The following PARG variants were observed in gnomAD, a reference collection of about 807,000 sequenced individuals.
PARG encodes poly(ADP-ribose) glycohydrolase.
In PARG, 35 loss-of-function variants were observed where a neutral mutation model predicts 113.0. That is an observed-to-expected ratio of 0.31 (90% CI 0.24 to 0.41). The LOEUF is 0.41. PARG is among the 10% of genes least tolerant of loss of function. The probability of loss-of-function intolerance (pLI) is 1.00; values close to 1 mark genes in which losing one functional copy is unlikely to be tolerated. For missense variants in PARG, 797 were observed against 1,169.4 expected (o/e 0.68, Z 4.64); for synonymous variants, 330 against 409.9 (o/e 0.81, Z 2.36).
chr10:49,931,062 G>T (rs1838452786), intron 4 of PARG, among the ~76,000 whole-genome samples: 1 of 142,038 alleles, frequency 7.0e-6, no homozygotes, highest in Non-Finnish European at 1.5e-5. Flanking sequence ...AGCAGGGAAG[G>T]AGGTTTAATT....
rs782535706 is a variant in PARG at position 49,922,332 on chromosome 10, A to G, written c.1662+4T>C. The G allele has an allele frequency of 5.6e-6, 9 of 1,595,068 alleles. No individual in the cohort carries two copies. The Admixed American group carries it at 1.6e-4, about 28-fold the overall frequency. On this transcript the variant is annotated splice_donor_region_variant and intron_variant, in intron 6 of 17. Transcript: ENST00000616448. The stretch of plus-strand genomic sequence containing the variant: ...AACAGGCAAGCATGGTAAAAACAAC[A>G]TACCTTCAAGTTTTGGGGTCGTGTA...
chr10:49,862,029 A>G (rs1846277220), intron 11 of PARG, among the ~76,000 whole-genome samples: 1 of 151,874 alleles, frequency 6.6e-6, no homozygotes, highest in Non-Finnish European at 1.5e-5. Context: ...AAATTTGGCA[A>G]TAAATCATAT....
chr10:49,867,753 G>GA (rs1846589608), intron 10 of PARG, among the ~76,000 whole-genome samples: 2 of 150,270 alleles, frequency 1.3e-5, no homozygotes, highest in South Asian at 2.1e-4. Flanking sequence ...ATTTCCAGCT[G>GA]AAAAAACAAA....
chr10:49,920,597 T>C (rs1837804676), intron 6 of PARG, among the ~76,000 whole-genome samples: 2 of 144,604 alleles, frequency 1.4e-5, no homozygotes, highest in Non-Finnish European at 3.0e-5. Flanking sequence ...CATATATACA[T>C]ATATACGTAC....
rs138498748 is a variant in PARG at position 49,826,266 on chromosome 10, A to T, written c.2648-5973T>A. On this transcript the variant is annotated intron_variant, in intron 16 of 17. Transcript: ENST00000616448. Reference sequence around the variant, plus strand: ...GAGCAAGGCTGAGAGAGACCAAGAGAGTGTGATCTGTTCTGGCAGAAGAAA... The same window carrying T: ...GAGCAAGGCTGAGAGAGACCAAGAGTGTGTGATCTGTTCTGGCAGAAGAAA... Among the ~76,000 whole-genome samples the T allele has an allele frequency of 2.2e-3, 333 of 152,300 alleles. 2 individuals carry two copies. The highest frequency in any genetic ancestry group is 7.7e-3 in the African/African-American group (322 of 41,554).
chr10:49,861,874 T>C (rs527667866), intron 11 of PARG, among the ~76,000 whole-genome samples: 72 of 151,314 alleles, frequency 4.8e-4, no homozygotes, highest in South Asian at 1.5e-3. Context: ...TTGGATAACA[T>C]AGTTTGAAAC....
intron 7 of PARG, among the ~76,000 whole-genome samples, chr10:49,913,139 C>G (rs1837290892): frequency 1.3e-5 from 2 of 152,232 alleles, no homozygotes; most frequent in Non-Finnish European, 2.9e-5. Flanking sequence ...TCACTAACCA[C>G]TGCAAGCGTG....
intron 4 of PARG, among the ~76,000 whole-genome samples, chr10:49,927,969 A>C (rs1838292447): frequency 6.7e-6 from 1 of 150,002 alleles, no homozygotes; most frequent in South Asian, 2.1e-4. Context: ...GTCTCTTTAA[A>C]AAAAAAAAAA....
At chr10:49,846,671 A>C (rs1332372814) in intron 13 of PARG, among the ~76,000 whole-genome samples, 1 of 152,128 alleles carries the variant, frequency 6.6e-6, no homozygotes, top group Non-Finnish European at 1.5e-5. Context: ...CAATTATGGA[A>C]AGGGGGAAAG....
At chr10:49,889,430 T>C (rs1554841071) in intron 7 of PARG, among the ~76,000 whole-genome samples, 1 of 152,158 alleles carries the variant, frequency 6.6e-6, no homozygotes, top group East Asian at 1.9e-4. Flanking sequence ...GTACCCAAAG[T>C]GGAAAGTGAG....
At chr10:49,831,689 T>G (rs1844673344) in intron 16 of PARG, among the ~76,000 whole-genome samples, 1 of 151,992 alleles carries the variant, frequency 6.6e-6, no homozygotes, top group Admixed American at 6.6e-5. Flanking sequence ...GCCAGGAGAG[T>G]GGGGTGCCCT....
At chr10:49,831,749 G>A (rs1412323415) in intron 16 of PARG, among the ~76,000 whole-genome samples, 1 of 152,130 alleles carries the variant, frequency 6.6e-6, no homozygotes, top group African/African-American at 2.4e-5. Context: ...TCTAGGCTTC[G>A]CTTTATGTGT....
rs1839119885 is a variant in PARG, at chr10:49,941,997, T to C, written c.-272A>G. ...CTTTCCCACCACCGGAAAGCTGCCG[T>C]CAGGCGCTTCCGGCTTCCGGGGCGC... On this transcript the variant is annotated 5_prime_UTR_variant, in exon 1 of 18. Transcript: ENST00000616448. 5 of 931,300 alleles carry C rather than the reference T, an allele frequency of 5.4e-6. No individual in the cohort carries two copies. Among genetic ancestry groups the C allele is most frequent in the Non-Finnish European group, 8.2e-6 (5 of 612,746 alleles). 57.7% of individuals were successfully genotyped at this position (931,300 alleles called of 1,614,324 possible).
intron 7 of PARG, among the ~76,000 whole-genome samples, chr10:49,906,422 C>T (rs190007118): frequency 4.4e-3 from 667 of 152,004 alleles, no homozygotes; most frequent in East Asian, 0.018. Context: ...TTAGTTTTTA[C>T]GATGAATCTT....
chr10:49,895,437 CTT>C (rs1198474786), intron 7 of PARG, among the ~76,000 whole-genome samples: 1 of 151,258 alleles, frequency 6.6e-6, no homozygotes, highest in African/African-American at 2.4e-5. Flanking sequence ...GAGTTTCACT[CTT>C]GTTGCCCAGG....
chr10:49,899,457 A>G (rs1413495112), intron 7 of PARG, among the ~76,000 whole-genome samples: 126 of 152,206 alleles, frequency 8.3e-4, no homozygotes, highest in Non-Finnish European at 1.3e-3. Context: ...AAGGCTCATG[A>G]AAGTCTGACA....
At chr10:49,865,635 T>C (rs1846472004) in intron 10 of PARG, among the ~76,000 whole-genome samples, 1 of 147,282 alleles carries the variant, frequency 6.8e-6, no homozygotes, top group Non-Finnish European at 1.5e-5. Flanking sequence ...AACGAAACTA[T>C]ACAAATAACA....
At chr10:49,881,053 A>T (rs1179107848) in intron 8 of PARG, among the ~76,000 whole-genome samples, 1 of 152,238 alleles carries the variant, frequency 6.6e-6, no homozygotes, top group Non-Finnish European at 1.5e-5. Flanking sequence ...ACAAGGTTTC[A>T]TCCACATCAT....
intron 1 of PARG, among the ~76,000 whole-genome samples, chr10:49,937,074 C>T (rs1838783013): frequency 6.6e-6 from 1 of 152,208 alleles, no homozygotes; most frequent in Non-Finnish European, 1.5e-5. Flanking sequence ...AAATGAGCTT[C>T]AGTCAGAGGG....
Sources: allele counts gnomAD v4.1 joint callset (sites outside exome capture counted in the v4.1 genomes callset), GRCh38; gene constraint gnomAD v4.1.1; transcripts MANE v1.5; gene names NCBI Gene and HGNC (gene_info 2026-07-23, HGNC 2026-07-21).